The following DNAH11 variants were observed in gnomAD, a reference collection of about 807,000 sequenced individuals.
DNAH11 encodes axonemal beta dynein heavy chain 11.
In DNAH11, 442 loss-of-function variants were observed where a neutral mutation model predicts 526.0. That is an observed-to-expected ratio of 0.84 (90% confidence interval 0.78 to 0.91). DNAH11 has a LOEUF of 0.91. DNAH11 is among the 40% of genes least tolerant of loss of function. The probability of loss-of-function intolerance (pLI) is 0.00; values close to 1 mark genes in which losing one functional copy is unlikely to be tolerated. For missense variants in DNAH11, 6,989 were observed against 5,448.7 expected, an observed-to-expected ratio of 1.28 and a Z score of -8.90; for synonymous variants, 2,461 against 1,935.9, an observed-to-expected ratio of 1.27 and a Z score of -7.12.
intron 77 of DNAH11, 106 bp downstream of exon 77, chr7:21,892,773 AC>A (rs1310513527): frequency 1.0e-5 from 13 of 1,268,628 alleles, no homozygotes; most frequent in Middle Eastern, 2.8e-4. Context: ...CCTAGGTTTT[AC>A]TCATACAACC....
intron 5 of DNAH11, among the ~76,000 whole-genome samples, chr7:21,561,970 T>C (rs1363984944): frequency 1.3e-5 from 2 of 152,202 alleles, no homozygotes; most frequent in Non-Finnish European, 2.9e-5. Context: ...TTTTAATACA[T>C]CTTTAGGGTT....
intron 21 of DNAH11, among the ~76,000 whole-genome samples, chr7:21,615,840 A>C (rs1785748730): frequency 6.6e-6 from 1 of 152,168 alleles, no homozygotes; most frequent in Non-Finnish European, 1.5e-5. Context: ...TTTTGTTTAT[A>C]ATGGTTGAAA....
chr7:21,604,849 T>C (rs1791604760), intron 18 of DNAH11, among the ~76,000 whole-genome samples: 1 of 152,050 alleles, frequency 6.6e-6, no homozygotes, highest in African/African-American at 2.4e-5. Context: ...TGGAATGGAA[T>C]TGGAAATGCA....
At chr7:21,717,973 T>C (rs1355625337) in intron 43 of DNAH11, 48 bp downstream of exon 43, 2 of 1,558,218 alleles carry the variant, frequency 1.3e-6, no homozygotes, top group Non-Finnish European at 1.7e-6. Flanking sequence ...GATGCGGTAG[T>C]GTTTGTTGAT....
chr7:21,873,527 G>T, intron 74 of DNAH11, 26 bp downstream of exon 74: 1 of 1,607,512 alleles, frequency 6.2e-7, no homozygotes. Flanking sequence ...AGGCTAGGCA[G>T]ACAATGAAGT....
At chr7:21,848,867 A>G (rs984254771) in intron 66 of DNAH11, among the ~76,000 whole-genome samples, 12 of 152,070 alleles carry the variant, frequency 7.9e-5, no homozygotes, top group Non-Finnish European at 5.9e-5. Context: ...TACATTTACA[A>G]CTAATCTAAC....
intron 61 of DNAH11, among the ~76,000 whole-genome samples, chr7:21,789,880 C>CTCTCTCCTTCCTTCCT (rs1788397850): frequency 7.4e-6 from 1 of 135,088 alleles, no homozygotes; most frequent in Non-Finnish European, 1.6e-5. Flanking sequence ...TTCTTTCTTT[C>CTCTCTCCTTCCTTCCT]TTTCTTTCTT....
rs1786845531 is a variant in DNAH11, at chr7:21,635,984, A to T, written c.4614A>T (p.Glu1538Asp). Residue 1538 changes from glutamate (E) to aspartate (D), a missense_variant, in exon 26 of 82, where the codon GAA becomes GAT. Transcript: ENST00000409508. ...ACTTGGTCATCTTCACTTGGATGGAAGTCCAGCGAACTTGGTCTCACCTGG... is the reference window on the plus strand; with the variant it reads ...ACTTGGTCATCTTCACTTGGATGGATGTCCAGCGAACTTGGTCTCACCTGG... ...IADLVIFTWM[E>D]VQRTWSHLES... 4 of 1,613,622 alleles carry T rather than the reference A, an allele frequency of 2.5e-6. No individual in the cohort carries two copies. Among genetic ancestry groups the T allele is most frequent in the Non-Finnish European group, 3.4e-6 (4 of 1,179,780 alleles).
At chr7:21,796,022 G>A (rs916974280) in intron 61 of DNAH11, among the ~76,000 whole-genome samples, 1 of 152,196 alleles carries the variant, frequency 6.6e-6, no homozygotes, top group Non-Finnish European at 1.5e-5. Flanking sequence ...AAATGTCAGT[G>A]TGTGGGGTCT....
intron 15 of DNAH11, among the ~76,000 whole-genome samples, 155 bp downstream of exon 15, chr7:21,600,274 G>A (rs562251739): frequency 6.6e-6 from 1 of 152,088 alleles, no homozygotes; most frequent in African/African-American, 2.4e-5. Flanking sequence ...AGCCTAAGCA[G>A]CATAGCAAGA....
chr7:21,671,126 A>G (rs1025479006), intron 30 of DNAH11, among the ~76,000 whole-genome samples: 5 of 152,050 alleles, frequency 3.3e-5, no homozygotes, highest in Non-Finnish European at 7.4e-5. Flanking sequence ...TTTATAGAAC[A>G]TTTTTTATTG....
chr7:21,899,515 G>C (rs934317266), intron 80 of DNAH11, 67 bp downstream of exon 80: 2 of 1,272,458 alleles, frequency 1.6e-6, no homozygotes, highest in East Asian at 2.3e-5. Context: ...GCCCTGCTTT[G>C]TTTACCTATG....
chr7:21,739,508 T>A, intron 47 of DNAH11, 63 bp from the exon 48 acceptor site: 1 of 1,258,396 alleles, frequency 7.9e-7, no homozygotes, highest in East Asian at 2.4e-5. Flanking sequence ...TTATGAACTG[T>A]TAGATTTTGC....
intron 45 of DNAH11, among the ~76,000 whole-genome samples, chr7:21,727,930 C>T (rs1175461197): frequency 1.3e-5 from 2 of 152,202 alleles, no homozygotes; most frequent in African/African-American, 4.8e-5. Context: ...CTTGCCGTGA[C>T]CTCACATAGC....
intron 52 of DNAH11, 25 bp from the exon 53 acceptor site, chr7:21,749,653 C>T (rs756369245): frequency 6.2e-7 from 1 of 1,612,908 alleles, no homozygotes; most frequent in South Asian, 1.1e-5. Context: ...TTTAACAAAA[C>T]ATGAGTGATG....
intron 6 of DNAH11, among the ~76,000 whole-genome samples, chr7:21,564,693 C>T (rs905746753): frequency 6.6e-6 from 1 of 152,136 alleles, no homozygotes; most frequent in Non-Finnish European, 1.5e-5. Context: ...ATGTGTAGTA[C>T]CTTCTTTGTA....
At chr7:21,662,515 T>A (rs895997103) in intron 30 of DNAH11, among the ~76,000 whole-genome samples, 2 of 152,170 alleles carry the variant, frequency 1.3e-5, no homozygotes, top group Admixed American at 1.3e-4. Flanking sequence ...ACTGTGTATA[T>A]TTATGTGTAC....
intron 39 of DNAH11, among the ~76,000 whole-genome samples, chr7:21,706,366 A>C (rs1210918548): frequency 1.3e-5 from 2 of 152,182 alleles, no homozygotes; most frequent in African/African-American, 4.8e-5. Context: ...AGCTAAAAAT[A>C]ATCAGATTGA....
At chr7:21,806,524 C>T (rs1435259650) in intron 62 of DNAH11, among the ~76,000 whole-genome samples, 2 of 152,156 alleles carry the variant, frequency 1.3e-5, no homozygotes, top group African/African-American at 4.8e-5. Context: ...AATTTCATGA[C>T]CTCCGACCTC....
Sources: gnomAD v4.1 joint callset for allele counts (sites outside exome capture counted in the v4.1 genomes callset) on GRCh38, gnomAD v4.1.1 for gene constraint, MANE v1.5 for transcripts, NCBI Gene and HGNC (gene_info 2026-07-23, HGNC 2026-07-21) for gene names.